Variants in ST6GALNAC4 observed in about 807,000 individuals in gnomAD.
The protein encoded by ST6GALNAC4 is ST6 N-acetylgalactosaminide alpha-2,6-sialyltransferase 4.
In ST6GALNAC4, 24 loss-of-function variants were observed where a neutral mutation model predicts 30.4. The observed-to-expected ratio is 0.79, with a 90% CI of 0.57 to 1.11. The LOEUF is 1.11. Ranked by LOEUF, ST6GALNAC4 falls within the 50% of genes most tolerant of loss-of-function variation. The pLI is 0.00. For synonymous variants in ST6GALNAC4, 156 were observed against 179.7 expected (o/e 0.87, Z 1.05); for missense variants, 365 against 430.1 (o/e 0.85, Z 1.34).
chr9:127,910,085 C>A (rs765123665), intron 4 of ST6GALNAC4, 27 bp from the exon 5 acceptor site: 5 of 1,609,508 alleles, frequency 3.1e-6, no homozygotes, highest in Non-Finnish European at 4.2e-6. Context: ...GACAGGGGGA[C>A]GCTGTCAACA....
intron 4 of ST6GALNAC4, chr9:127,910,497 G>T: frequency 9.9e-7 from 1 of 1,010,284 alleles, no homozygotes; most frequent in Non-Finnish European, 1.2e-6. Context: ...CATCACATTT[G>T]CTCGTGAACC....
chr9:127,909,331 G>C (rs963523830), intron 5 of ST6GALNAC4, among the ~76,000 whole-genome samples: 5 of 151,290 alleles, frequency 3.3e-5, no homozygotes, highest in African/African-American at 4.9e-5. Context: ...GGAGGTTGCA[G>C]TGAGCCAAGA....
In ST6GALNAC4 at chr9:127,912,654, G is replaced by T. The variant is rs1239653701; in HGVS notation, c.225C>A (p.Ser75Arg). The change falls in exon 4 of 6, where the codon AGC (serine) becomes AGA (arginine). Residue 75 changes from serine to arginine, a missense_variant. Transcript: ENST00000335791. The part of the protein sequence containing the change: ...GKPLVREPCR[S>R]CAVVSSSGQM... ...GGCCGGAGCTGGACACCACGGCACA[G>T]CTGCGGCAGGGCTCGCGGACCAGCG... The T allele has an allele frequency of 1.3e-6, 2 of 1,584,886 alleles. No individual in the cohort carries two copies. The highest frequency in any genetic ancestry group is 8.6e-7 in the Non-Finnish European group (1 of 1,167,030).
intron 3 of ST6GALNAC4, among the ~76,000 whole-genome samples, chr9:127,913,364 C>A (rs997576922): frequency 2.6e-5 from 4 of 152,076 alleles, no homozygotes; most frequent in Non-Finnish European, 5.9e-5. Context: ...GTGGGTGAAT[C>A]ACCTGAGGTC....
Position 127,908,984 on chromosome 9 carries a change from C to G in ST6GALNAC4, c.720-403G>C, listed in dbSNP as rs564326238. Among the ~76,000 whole-genome samples, 25 of 152,322 alleles carry G rather than the reference C, an allele frequency of 1.6e-4. No individual in the cohort carries two copies. The South Asian group carries it at 2.7e-3, about 16-fold the overall frequency. On this transcript the variant is annotated intron_variant, in intron 5 of 5. Coordinates refer to ENST00000335791, the MANE Select transcript of ST6GALNAC4 (RefSeq NM_175039.4). ...GCCACCAGCCCTGCACGCCCACCTC[C>G]CCATCAGCATCACGGGGGCCAGCCG...
rs74637072 is a variant in ST6GALNAC4, at chr9:127,914,815, G to A, written c.39C>T (p.Cys13=). 3.5e-3 allele frequency: 5,415 copies of A among 1,554,370 alleles called. 167 individuals are homozygous for A. In the African/African-American group the frequency reaches 0.066, roughly 19 times the overall value. ...APGRLVLIIL[C]SVVFSAVYIL... ...TGTAGACGGCAGAGAAGACCACGGA[G>A]CACAGGATGATGAGCACGAGCCGAC... The change falls in exon 3 of 6, where the codon TGC becomes TGT. Residue 13 remains cysteine, a synonymous_variant. Transcript: ENST00000335791.
Position 127,912,651 on chromosome 9 carries a change from A to G in ST6GALNAC4, c.228T>C (p.Cys76=). ...TTTGGCCGGAGCTGGACACCACGGCACAGCTGCGGCAGGGCTCGCGGACCA... is the reference window on the plus strand; with the variant it reads ...TTTGGCCGGAGCTGGACACCACGGCGCAGCTGCGGCAGGGCTCGCGGACCA... The part of the protein sequence containing the change: ...KPLVREPCRS[C]AVVSSSGQML... Residue 76 remains cysteine (C), a synonymous_variant, in exon 4 of 6, where the codon TGT becomes TGC. Transcript: ENST00000335791. The G allele has an allele frequency of 1.3e-6, 2 of 1,588,000 alleles. No individual in the cohort carries two copies. Among genetic ancestry groups the G allele is most frequent in the Non-Finnish European group, 1.7e-6 (2 of 1,168,834 alleles).
Position 127,916,395 on chromosome 9 carries a change from T to C in ST6GALNAC4, c.12+13A>G. ...CTCTGCGTTCCCTGGAAGTCCTCCT[T>C]CTTCCCACTTACCGGAGCCTTCATG... On this transcript the variant is annotated intron_variant, in intron 2 of 5. Transcript: ENST00000335791. 4 of 1,614,132 alleles carry C rather than the reference T, an allele frequency of 2.5e-6. No individual in the cohort carries two copies. The highest frequency in any genetic ancestry group is 3.4e-6 in the Non-Finnish European group (4 of 1,180,006).
At chr9:127,915,128 G>A (rs1023854045) in intron 2 of ST6GALNAC4, among the ~76,000 whole-genome samples, 7 of 152,322 alleles carry the variant, frequency 4.6e-5, no homozygotes, top group Non-Finnish European at 8.8e-5. Context: ...AAGCAGCACA[G>A]TGGGGCCTTA....
Position 127,908,318 on chromosome 9 carries a change from G to T in ST6GALNAC4, c.*74C>A. 7.3e-7 allele frequency: 1 copy of T among 1,379,180 alleles called. No homozygotes were observed. The highest frequency in any genetic ancestry group is 9.7e-7 in the Non-Finnish European group (1 of 1,030,178). The allele number at this position is 1,379,180 out of a possible 1,614,324, so 85.4% of individuals were successfully genotyped here. ...CAGGATCCATAAATTAAATGTTTTTGTGGAGTGTGATGGCTTGGGATGGGA... is the reference window on the plus strand; with the variant it reads ...CAGGATCCATAAATTAAATGTTTTTTTGGAGTGTGATGGCTTGGGATGGGA... On this transcript the variant is annotated 3_prime_UTR_variant, in exon 6 of 6. Coordinates refer to ENST00000335791, the MANE Select transcript of ST6GALNAC4 (RefSeq NM_175039.4).
intron 5 of ST6GALNAC4, 30 bp downstream of exon 5, chr9:127,909,920 GT>G: frequency 1.9e-6 from 3 of 1,605,432 alleles, no homozygotes; most frequent in Non-Finnish European, 1.7e-6. Context: ...TCCTCCCCGC[GT>G]CCCCGCGTGC....
rs1423801223 is a variant in ST6GALNAC4, at chr9:127,912,580, A to T, written c.299T>A (p.Val100Glu). 6.2e-7 allele frequency: 1 copy of T among 1,611,938 alleles called. No homozygotes were observed. The highest frequency in any genetic ancestry group is 2.2e-5 in the East Asian group (1 of 44,888). The change falls in exon 4 of 6, where the codon GTG (valine) becomes GAG (glutamate). Residue 100 changes from valine (V) to glutamate (E), a missense_variant. Val to Glu is a moderately radical substitution (Grantham distance 121). Coordinates refer to ENST00000335791, the MANE Select transcript of ST6GALNAC4 (RefSeq NM_175039.4). Reference sequence around the variant, plus strand: ...GGTGGGCGCCTGGTTCATGCGGAACACGCACTCGGCACTGTCGATCTCAGC... The same window carrying T: ...GGTGGGCGCCTGGTTCATGCGGAACTCGCACTCGGCACTGTCGATCTCAGC... ...LGAEIDSAEC[V>E]FRMNQAPTVG...
chr9:127,910,522 G>C (rs1831053092), intron 4 of ST6GALNAC4: 1 of 999,008 alleles, frequency 1.0e-6, no homozygotes, highest in African/African-American at 1.7e-5. Flanking sequence ...TGAGCCTCAT[G>C]ACCAGTCTGT....
At position 127,912,403 on chromosome 9, in the gene ST6GALNAC4, C is replaced by A; in HGVS notation, c.476G>T (p.Arg159Leu). ...GCGGTAGGTGCGGCCGCCGAGCACC[C>A]GGTCCATGTGCCTGCCCTGGCCCCA... ...MVWGQGRHMDRVLGGRTYRTL... is the reference protein window; with the variant it reads ...MVWGQGRHMDLVLGGRTYRTL... The change falls in exon 4 of 6, where the codon CGG (arginine) becomes CTG (leucine). Residue 159 changes from arginine to leucine, a missense_variant. Transcript: ENST00000335791. The A allele has an allele frequency of 6.2e-7, 1 of 1,614,132 alleles. No individual in the cohort carries two copies. The highest frequency in any genetic ancestry group is 8.5e-7 in the Non-Finnish European group (1 of 1,180,018).
intron 4 of ST6GALNAC4, among the ~76,000 whole-genome samples, chr9:127,911,509 A>G (rs895655108): frequency 6.6e-6 from 1 of 152,164 alleles, no homozygotes; most frequent in Non-Finnish European, 1.5e-5. Flanking sequence ...TTTGAGACAG[A>G]GTCTCGCTCT....
Position 127,908,490 on chromosome 9 carries a change from G to A in ST6GALNAC4, c.811C>T (p.Arg271Ter), listed in dbSNP as rs758225545. ...TCAGTGATGAAGCGGTGGGCGCTTCGGGGCGCCTGCTCGTGTGCCAGGTAC... is the reference window on the plus strand; with the variant it reads ...TCAGTGATGAAGCGGTGGGCGCTTCAGGGCGCCTGCTCGTGTGCCAGGTAC... ...QMYLAHEQAP[R>*]SAHRFITEKA... The change falls in exon 6 of 6, where the codon CGA becomes TGA. Residue 271 changes from arginine (R) to a stop codon, truncating the protein, a stop_gained. Transcript: ENST00000335791. LOFTEE classifies it high-confidence loss of function. The A allele has an allele frequency of 9.8e-5, 158 of 1,610,414 alleles. 1 individual carries two copies. The highest frequency in any genetic ancestry group is 2.2e-5 in the South Asian group (2 of 90,662).
chr9:127,916,364 C>CG (rs1831194703), intron 2 of ST6GALNAC4, 44 bp downstream of exon 2: 2 of 1,613,794 alleles, frequency 1.2e-6, no homozygotes, highest in African/African-American at 2.7e-5. Context: ...CTCCGCCAGT[C>CG]GGGGCCTCTG....
rs1254694133 is a variant in ST6GALNAC4, at chr9:127,908,694, G to A, written c.720-113C>T. The stretch of plus-strand genomic sequence containing the variant: ...GGCCCATGGGCTCGTGAAGACCCAC[G>A]CCTGATCCCTGGGGAGGCCAAGACA... On this transcript the variant is annotated intron_variant, in intron 5 of 5. Coordinates refer to ENST00000335791, the MANE Select transcript of ST6GALNAC4 (RefSeq NM_175039.4). 6 of 995,278 alleles carry A rather than the reference G, an allele frequency of 6.0e-6. No individual in the cohort carries two copies. In the Admixed American group the frequency reaches 9.9e-5, roughly 16 times the overall value. The allele number at this position is 995,278 out of a possible 1,614,324, so 61.7% of individuals were successfully genotyped here. A position where few individuals can be genotyped will look rare whatever the true frequency, so the allele number is the denominator to read the frequency against.
intron 5 of ST6GALNAC4, among the ~76,000 whole-genome samples, chr9:127,909,162 A>T (rs893757891): frequency 6.6e-6 from 1 of 152,080 alleles, no homozygotes; most frequent in Admixed American, 6.6e-5. Flanking sequence ...CCAAGGCGGG[A>T]GGATCACCTG....
Sources: allele counts gnomAD v4.1 joint callset (sites outside exome capture counted in the v4.1 genomes callset), GRCh38; gene constraint gnomAD v4.1.1; transcripts MANE v1.5; gene names NCBI Gene and HGNC (gene_info 2026-07-23, HGNC 2026-07-21).